Variants in HS6ST3 observed in about 807,000 individuals in gnomAD.
HS6ST3 encodes heparan-sulfate 6-O-sulfotransferase 3.
In HS6ST3, 12 loss-of-function variants were observed where a neutral mutation model predicts 36.7. That is an observed-to-expected ratio of 0.33 (90% CI 0.21 to 0.53). HS6ST3 has a LOEUF of 0.53. Ranked by LOEUF, HS6ST3 falls within the 20% of genes least tolerant of loss-of-function variation. The pLI is 0.95. For synonymous variants in HS6ST3, 240 were observed against 257.5 expected, an observed-to-expected ratio of 0.93 and a Z score of 0.65; for missense variants, 584 against 640.9, an observed-to-expected ratio of 0.91 and a Z score of 0.96.
At chr13:96,378,530 C>A (rs535785828) in intron 1 of HS6ST3, among the ~76,000 whole-genome samples, 2 of 152,300 alleles carry the variant, frequency 1.3e-5, no homozygotes, top group African/African-American at 4.8e-5. Context: ...CAGGGCTATC[C>A]TGAATCTTCC....
intron 1 of HS6ST3, among the ~76,000 whole-genome samples, chr13:96,536,275 T>C (rs1238877285): frequency 1.3e-5 from 2 of 152,250 alleles, no homozygotes; most frequent in Non-Finnish European, 2.9e-5. Flanking sequence ...TTGTCTTTGG[T>C]CTAATCACAT....
At chr13:96,276,987 A>G (rs2054751749) in intron 1 of HS6ST3, among the ~76,000 whole-genome samples, 1 of 152,164 alleles carries the variant, frequency 6.6e-6, no homozygotes, top group African/African-American at 2.4e-5. Flanking sequence ...CTGCCAAGAG[A>G]GTAGATTTAC....
chr13:96,353,703 A>C (rs749392321), intron 1 of HS6ST3, among the ~76,000 whole-genome samples: 8 of 152,212 alleles, frequency 5.3e-5, no homozygotes, highest in African/African-American at 9.6e-5. Context: ...ACCTTTACTT[A>C]TGCAACAGCC....
At chr13:96,360,430 G>GA (rs2139435578) in intron 1 of HS6ST3, among the ~76,000 whole-genome samples, 1 of 151,968 alleles carries the variant, frequency 6.6e-6, no homozygotes, top group Non-Finnish European at 1.5e-5. Context: ...GCTGGTTGTG[G>GA]AAAAAAAGAA....
chr13:96,649,492 T>C (rs1487230876), intron 1 of HS6ST3, among the ~76,000 whole-genome samples: 1 of 152,050 alleles, frequency 6.6e-6, no homozygotes, highest in Non-Finnish European at 1.5e-5. Context: ...TCACCATCTC[T>C]CTAGTTGTTC....
At chr13:96,247,526 G>C (rs1362424673) in intron 1 of HS6ST3, among the ~76,000 whole-genome samples, 1 of 152,014 alleles carries the variant, frequency 6.6e-6, no homozygotes. Flanking sequence ...CTTCCTCTTT[G>C]CCTTCCACCA....
chr13:96,629,831 GT>G (rs995313900), intron 1 of HS6ST3, among the ~76,000 whole-genome samples: 139 of 148,656 alleles, frequency 9.4e-4, no homozygotes, highest in African/African-American at 2.7e-3. Context: ...TAAATGCAAT[GT>G]TTTTTTTTTC....
chr13:96,268,638 C>G (rs115072016), intron 1 of HS6ST3, among the ~76,000 whole-genome samples: 1 of 151,914 alleles, frequency 6.6e-6, no homozygotes, highest in Admixed American at 6.6e-5. Flanking sequence ...TAAAGCAACT[C>G]TTCCTAAAAT....
intron 1 of HS6ST3, among the ~76,000 whole-genome samples, chr13:96,237,672 T>G (rs2054540941): frequency 1.3e-5 from 2 of 152,240 alleles, no homozygotes; most frequent in African/African-American, 4.8e-5. Flanking sequence ...AATCTTGTTT[T>G]TAACCCCAAC....
intron 1 of HS6ST3, among the ~76,000 whole-genome samples, chr13:96,400,313 A>ACG (rs200570968): frequency 0.023 from 3,213 of 139,356 alleles, 56 homozygotes; most frequent in African/African-American, 0.044. Flanking sequence ...ACAGATACAC[A>ACG]CACACACACA....
At chr13:96,591,651 A>G (rs1198349491) in intron 1 of HS6ST3, among the ~76,000 whole-genome samples, 2 of 152,138 alleles carry the variant, frequency 1.3e-5, no homozygotes, top group Non-Finnish European at 2.9e-5. Context: ...CACAAGGACA[A>G]TTTGACTTCT....
Position 96,553,950 on chromosome 13 carries a change from T to C in HS6ST3, c.708-278540T>C, listed in dbSNP as rs556691862. Among the ~76,000 whole-genome samples, 6 of 152,284 alleles carry C rather than the reference T, an allele frequency of 3.9e-5. No individual in the cohort carries two copies. In the South Asian group the frequency reaches 1.0e-3, roughly 26 times the overall value. On this transcript the variant is annotated intron_variant, in intron 1 of 1. Coordinates refer to ENST00000376705, the MANE Select transcript of HS6ST3 (RefSeq NM_153456.4). ...ATCCAGCTGACTCAGAGACTATTGGTACAATAAATCGCATTAGGGAGGTCT... is the reference window on the plus strand; with the variant it reads ...ATCCAGCTGACTCAGAGACTATTGGCACAATAAATCGCATTAGGGAGGTCT...
At chr13:96,175,336 T>G (rs2054207294) in intron 1 of HS6ST3, among the ~76,000 whole-genome samples, 1 of 151,054 alleles carries the variant, frequency 6.6e-6, no homozygotes, top group Non-Finnish European at 1.5e-5. Flanking sequence ...GTCTGATACC[T>G]AGCTCCTTTC....
At chr13:96,574,090 C>G (rs926194265) in intron 1 of HS6ST3, 10 of 541,170 alleles carry the variant, frequency 1.8e-5, no homozygotes, top group Admixed American at 1.7e-4. Flanking sequence ...TTGGGACCTT[C>G]TCAGCCATGA....
intron 1 of HS6ST3, among the ~76,000 whole-genome samples, chr13:96,611,249 A>G (rs1321566114): frequency 2.0e-5 from 3 of 151,862 alleles, no homozygotes; most frequent in African/African-American, 7.2e-5. Context: ...CTCGTCTTCT[A>G]CAATTTACCT....
At chr13:96,664,939 A>C (rs1400851858) in intron 1 of HS6ST3, among the ~76,000 whole-genome samples, 1 of 152,156 alleles carries the variant, frequency 6.6e-6, no homozygotes, top group Non-Finnish European at 1.5e-5. Flanking sequence ...TGGGAGGCCA[A>C]GGCAGGAGGA....
At chr13:96,578,578 T>C (rs1431377360) in intron 1 of HS6ST3, among the ~76,000 whole-genome samples, 1 of 152,156 alleles carries the variant, frequency 6.6e-6, no homozygotes, top group Non-Finnish European at 1.5e-5. Context: ...TATTTATTTA[T>C]TAGACAGGGT....
intron 1 of HS6ST3, chr13:96,573,877 T>G: frequency 4.2e-6 from 2 of 478,016 alleles, no homozygotes; most frequent in Non-Finnish European, 8.2e-6. Flanking sequence ...TCAGGAGCAC[T>G]GAGCCCTCTC....
intron 1 of HS6ST3, among the ~76,000 whole-genome samples, chr13:96,443,224 A>G (rs1341154529): frequency 3.9e-5 from 6 of 152,110 alleles, no homozygotes; most frequent in Admixed American, 2.6e-4. Context: ...TTATAAATGT[A>G]AAATCATTTT....
Sources: gnomAD v4.1 joint callset for allele counts (sites outside exome capture counted in the v4.1 genomes callset) on GRCh38, gnomAD v4.1.1 for gene constraint, MANE v1.5 for transcripts, NCBI Gene and HGNC (gene_info 2026-07-23, HGNC 2026-07-21) for gene names.